NEDD4: variants seen among roughly 807,000 people sequenced by gnomAD.
NEDD4 encodes E3 ubiquitin-protein ligase NEDD4.
In NEDD4, 99 loss-of-function variants were observed where a neutral mutation model predicts 144.9. The observed-to-expected ratio is 0.68, with a 90% confidence interval of 0.58 to 0.81. The LOEUF (loss-of-function observed/expected upper bound fraction) is 0.81, where lower values mean the gene tolerates loss of function less well. NEDD4 is among the 30% of genes least tolerant of loss of function. The pLI is 0.00. For missense variants in NEDD4, 985 were observed against 1,065.9 expected (o/e 0.92, Z 1.06); for synonymous variants, 318 against 350.6 (o/e 0.91, Z 1.04).
rs564922865 is a variant in NEDD4 at position 55,944,188 on chromosome 15, C to T, written c.237+7188G>A. Among the ~76,000 whole-genome samples, 24 of 152,318 alleles carry T rather than the reference C, an allele frequency of 1.6e-4. No homozygotes were observed. The South Asian group carries it at 5.0e-3, about 32-fold the overall frequency. The stretch of plus-strand genomic sequence containing the variant: ...CAAGCCGAAGCAGGATGGGGCATTG[C>T]CTCACCTCGGAAGTGCAAGGGGTCA... On this transcript the variant is annotated intron_variant, in intron 4 of 28. Coordinates refer to ENST00000435532, the MANE Select transcript of NEDD4 (RefSeq NM_006154.4).
chr15:55,904,290 C>A (rs367635737), intron 5 of NEDD4, among the ~76,000 whole-genome samples: 11 of 152,156 alleles, frequency 7.2e-5, no homozygotes, highest in African/African-American at 2.6e-4. Context: ...TGTTCTATTT[C>A]CATACACCTT....
chr15:55,921,388 G>A (rs536635159), intron 5 of NEDD4, among the ~76,000 whole-genome samples: 1 of 151,770 alleles, frequency 6.6e-6, no homozygotes, highest in Non-Finnish European at 1.5e-5. Flanking sequence ...GCAATGGTGT[G>A]ATCTCAGCTC....
chr15:55,974,891 C>CTTTTT (rs56285555), intron 1 of NEDD4, among the ~76,000 whole-genome samples: 1,074 of 75,580 alleles, frequency 0.014, 127 homozygotes, highest in African/African-American at 0.048. Context: ...CTTTTCCTTT[C>CTTTTT]TTTTTTTTTT....
At chr15:55,922,658 C>T (rs574928554) in intron 5 of NEDD4, among the ~76,000 whole-genome samples, 10 of 152,138 alleles carry the variant, frequency 6.6e-5, no homozygotes, top group African/African-American at 1.2e-4. Flanking sequence ...CAACCATGCC[C>T]GGCCAACAAT....
At chr15:55,903,906 TC>T (rs2035999352) in intron 5 of NEDD4, among the ~76,000 whole-genome samples, 1 of 149,328 alleles carries the variant, frequency 6.7e-6, no homozygotes, top group Admixed American at 6.7e-5. Flanking sequence ...TGCCTGTGAA[TC>T]CCAGCACTTT....
At chr15:55,836,309 C>G (rs2033190677) in intron 24 of NEDD4, among the ~76,000 whole-genome samples, 1 of 148,508 alleles carries the variant, frequency 6.7e-6, no homozygotes, top group Non-Finnish European at 1.5e-5. Context: ...GTACTCAATA[C>G]TGAATTTATG....
At position 55,993,563 on chromosome 15, in the gene NEDD4, C is replaced by A. The variant is rs1462206013; in HGVS notation, c.-8G>T. The A allele has an allele frequency of 5.7e-6, 9 of 1,592,394 alleles. No individual in the cohort carries two copies. Among genetic ancestry groups the A allele is most frequent in the Non-Finnish European group, 6.8e-6 (8 of 1,172,020 alleles). On this transcript the variant is annotated 5_prime_UTR_variant, in exon 1 of 29. Coordinates refer to ENST00000435532, the MANE Select transcript of NEDD4 (RefSeq NM_006154.4). ...CACCGCGCAAGTTGCCATTTCCGAA[C>A]GCTTCCAGCAAACCGGACGCGCTCG...
At chr15:55,894,870 T>C (rs2035690138) in intron 5 of NEDD4, among the ~76,000 whole-genome samples, 1 of 152,192 alleles carries the variant, frequency 6.6e-6, no homozygotes, top group Non-Finnish European at 1.5e-5. Context: ...TAGGATTTTA[T>C]AATTATTTCT....
chr15:55,981,267 G>A (rs767468393), intron 1 of NEDD4, among the ~76,000 whole-genome samples: 3 of 152,038 alleles, frequency 2.0e-5, no homozygotes, highest in Non-Finnish European at 4.4e-5. Flanking sequence ...TCACCACCAT[G>A]TTGGCCAGGC....
intron 18 of NEDD4, among the ~76,000 whole-genome samples, chr15:55,844,703 C>CA (rs2033668659): frequency 6.6e-6 from 1 of 151,976 alleles, no homozygotes; most frequent in South Asian, 2.1e-4. Flanking sequence ...CAGTATCTGG[C>CA]ATATGGTAAT....
chr15:55,863,611 C>A (rs753947823), intron 8 of NEDD4, among the ~76,000 whole-genome samples: 3 of 151,856 alleles, frequency 2.0e-5, no homozygotes, highest in Non-Finnish European at 4.4e-5. Flanking sequence ...AAAAAAAGGA[C>A]AAAAAATCGT....
chr15:55,860,032 C>T (rs1285217748), intron 11 of NEDD4, among the ~76,000 whole-genome samples: 5 of 152,228 alleles, frequency 3.3e-5, no homozygotes, highest in Non-Finnish European at 7.3e-5. Flanking sequence ...CTTCCTAAAA[C>T]CCTCTTCAAA....
intron 4 of NEDD4, among the ~76,000 whole-genome samples, chr15:55,947,973 A>C (rs1328681955): frequency 6.6e-6 from 1 of 152,202 alleles, no homozygotes; most frequent in Admixed American, 6.5e-5. Context: ...AGGAAAAAGA[A>C]ATAAAGGGTA....
At chr15:55,948,901 CT>C (rs2037177027) in intron 4 of NEDD4, among the ~76,000 whole-genome samples, 1 of 152,162 alleles carries the variant, frequency 6.6e-6, no homozygotes, top group Non-Finnish European at 1.5e-5. Context: ...TGGGCAAGGA[CT>C]TCATGTCTAA....
At chr15:55,879,662 T>A (rs192693852) in intron 5 of NEDD4, among the ~76,000 whole-genome samples, 1 of 152,124 alleles carries the variant, frequency 6.6e-6, no homozygotes, top group African/African-American at 2.4e-5. Context: ...AAAACCGTAA[T>A]ATTCCCAGAG....
chr15:55,835,387 AATTTCCTT>A lies in NEDD4; in HGVS notation c.2263-1109_2263-1102del, dbSNP rs774608938. 3.7e-3 allele frequency among the ~76,000 whole-genome samples: 554 copies of A among 148,298 alleles called. 1 individual carries two copies. The highest frequency in any genetic ancestry group is 6.3e-3 in the Non-Finnish European group (426 of 67,186). On this transcript the variant is annotated intron_variant, in intron 24 of 28. Transcript: ENST00000435532. ...TGATACCTTTTTGTCTGCCTCTGTT[AATTTCCTT>A]ATTTCCTTTGCAGTCTCCTGTTCTG...
At chr15:55,986,918 T>C (rs570364715) in intron 1 of NEDD4, among the ~76,000 whole-genome samples, 2 of 152,278 alleles carry the variant, frequency 1.3e-5, no homozygotes, top group African/African-American at 2.4e-5. Context: ...CTTAAAACTG[T>C]CTAGGATAAG....
chr15:55,939,649 C>T (rs182762487), intron 4 of NEDD4, among the ~76,000 whole-genome samples: 2 of 152,244 alleles, frequency 1.3e-5, no homozygotes, highest in South Asian at 2.1e-4. Flanking sequence ...CAAAACCACA[C>T]CTGTTAGGAT....
chr15:55,913,726 C>T (rs1431586308), intron 5 of NEDD4, among the ~76,000 whole-genome samples: 3 of 151,928 alleles, frequency 2.0e-5, no homozygotes, highest in African/African-American at 7.2e-5. Context: ...GCATTTGATC[C>T]ACATTTCATT....
Sources: allele counts gnomAD v4.1 joint callset (sites outside exome capture counted in the v4.1 genomes callset), GRCh38; gene constraint gnomAD v4.1.1; transcripts MANE v1.5; gene names NCBI Gene and HGNC (gene_info 2026-07-23, HGNC 2026-07-21).